The following CHAF1A variants were observed in gnomAD, a reference collection of about 807,000 sequenced individuals.
CHAF1A encodes CAF-1 subunit A.
Under a neutral mutation model 93.2 loss-of-function variants are expected in CHAF1A, and 5 were observed. The ratio of observed to expected loss-of-function variants is 0.05; its 90% CI spans 0.03 to 0.11. The LOEUF is 0.11. CHAF1A is among the 10% of genes least tolerant of loss of function. The pLI, the probability that CHAF1A is intolerant of heterozygous loss-of-function variation, is 1.00. For synonymous variants in CHAF1A, 504 were observed against 510.3 expected (o/e 0.99, Z 0.17); for missense variants, 1,102 against 1,259.9 (o/e 0.87, Z 1.90).
downstream of CHAF1A, chr19:4,448,598 G>A (rs1173468805): frequency 3.3e-6 from 2 of 608,064 alleles, no homozygotes; most frequent in South Asian, 3.9e-5. Context: ...CCACGCCCCA[G>A]GGCAGAGGCG....
rs868752558 is a variant in CHAF1A at position 4,418,046 on chromosome 19, T to C, written c.987T>C (p.Ser329=). ...TAACTAAGAAATTCGTCAAAGGCTC[T>C]ACAGAGAAGAACAAGCTCAGACTGC... The part of the protein sequence containing the change: ...RRITKKFVKG[S]TEKNKLRLQR... Residue 329 remains serine, a synonymous_variant, in exon 4 of 15, where the codon TCT becomes TCC. Coordinates refer to ENST00000301280, the MANE Select transcript of CHAF1A (RefSeq NM_005483.3). 5 of 1,607,218 alleles carry C rather than the reference T, an allele frequency of 3.1e-6. No individual in the cohort carries two copies. The African/African-American group carries it at 4.0e-5, about 13-fold the overall frequency.
chr19:4,448,820 A>C (rs1974596613), downstream of CHAF1A: 10 of 214,584 alleles, frequency 4.7e-5, no homozygotes, highest in South Asian at 6.7e-4. Flanking sequence ...TCGCAGCCCC[A>C]TGATGGACGT....
At chr19:4,444,013 G>A (rs754896493), downstream of CHAF1A, among the ~76,000 whole-genome samples, 6 of 152,188 alleles carry the variant, frequency 3.9e-5, no homozygotes, top group Non-Finnish European at 8.8e-5. Flanking sequence ...CAGGGCGCCC[G>A]GGCCAGGCCT....
At position 4,441,532 on chromosome 19, in the gene CHAF1A, C is replaced by T. The variant is rs368813934; in HGVS notation, c.2674-713C>T. On this transcript the variant is annotated intron_variant, in intron 13 of 14. Transcript: ENST00000301280. ...CTGAAGAACGAGAATCGCTTGAACC[C>T]GGGTGGCGGAGGTTGCAGTGAGCTG... 3.9e-5 allele frequency among the ~76,000 whole-genome samples: 6 copies of T among 151,920 alleles called. No individual in the cohort carries two copies. The East Asian group carries it at 9.7e-4, about 24-fold the overall frequency.
intron 14 of CHAF1A, 30 bp downstream of exon 14, chr19:4,442,371 C>T (rs950957411): frequency 3.3e-6 from 5 of 1,530,504 alleles, no homozygotes; most frequent in Non-Finnish European, 4.5e-6. Flanking sequence ...GCAGAACGCA[C>T]TGGTGAGGTG....
chr19:4,434,095 T>A (rs1230024007), intron 13 of CHAF1A, among the ~76,000 whole-genome samples: 1 of 151,804 alleles, frequency 6.6e-6, no homozygotes, highest in Admixed American at 6.6e-5. Flanking sequence ...GCCTGTAGTC[T>A]CAGCACTTTG....
intron 7 of CHAF1A, among the ~76,000 whole-genome samples, chr19:4,424,986 C>T (rs1337537427): frequency 6.6e-6 from 1 of 152,126 alleles, no homozygotes; most frequent in Non-Finnish European, 1.5e-5. Flanking sequence ...GTTGCCCAGG[C>T]TGGTCTCGAC....
intron 14 of CHAF1A, among the ~76,000 whole-genome samples, 194 bp downstream of exon 14, chr19:4,442,535 T>A (rs1023624506): frequency 6.6e-6 from 1 of 152,180 alleles, no homozygotes; most frequent in Non-Finnish European, 1.5e-5. Context: ...CCAGGCATCG[T>A]TCTGGCCGCA....
downstream of CHAF1A, chr19:4,445,789 C>CA: frequency 8.2e-7 from 1 of 1,220,976 alleles, no homozygotes; most frequent in Non-Finnish European, 1.1e-6. Context: ...TCCGGGACTC[C>CA]AGGACCTAAG....
intron 2 of CHAF1A, among the ~76,000 whole-genome samples, chr19:4,406,939 G>T (rs1368850949): frequency 6.6e-6 from 1 of 151,910 alleles, no homozygotes; most frequent in Non-Finnish European, 1.5e-5. Flanking sequence ...AAAAAAGGGG[G>T]ACGCCAGATG....
At chr19:4,445,206 G>T (rs888797561), downstream of CHAF1A, 8 of 389,470 alleles carry the variant, frequency 2.1e-5, no homozygotes, top group African/African-American at 4.2e-5. Context: ...GATGCCACGT[G>T]TGTCTGTCCG....
chr19:4,431,942 A>G lies in CHAF1A; in HGVS notation c.1948-10A>G, dbSNP rs779433241. 1 of 1,589,890 alleles carries G rather than the reference A, an allele frequency of 6.3e-7. No individual in the cohort carries two copies. Among genetic ancestry groups the G allele is most frequent in the Non-Finnish European group, 8.6e-7 (1 of 1,163,350 alleles). ...AACCCCAAATAAACTTCTGCTTTCT[A>G]AACCACAAGGAGTGTGCCGACCCTG... On this transcript the variant is annotated splice_polypyrimidine_tract_variant and intron_variant, in intron 11 of 14. Transcript: ENST00000301280.
intron 7 of CHAF1A, among the ~76,000 whole-genome samples, chr19:4,426,389 C>G (rs568390387): frequency 6.6e-6 from 1 of 151,854 alleles, no homozygotes. Flanking sequence ...AGGATGGTCT[C>G]GATCTCCTGA....
At chr19:4,446,971 T>C, downstream of CHAF1A, 1 of 1,569,556 alleles carries the variant, frequency 6.4e-7, no homozygotes, top group Non-Finnish European at 8.7e-7. Context: ...CTCCATGGCC[T>C]GGCCACACCC....
chr19:4,434,557 C>T (rs947333990), intron 13 of CHAF1A, among the ~76,000 whole-genome samples: 2 of 152,162 alleles, frequency 1.3e-5, no homozygotes, highest in Non-Finnish European at 1.5e-5. Flanking sequence ...CTCCGTGGAT[C>T]AGCCTTTTCC....
At chr19:4,447,427 T>C, downstream of CHAF1A, 1 of 1,053,936 alleles carries the variant, frequency 9.5e-7, no homozygotes, top group Admixed American at 1.8e-5. Context: ...CTTCACTGCT[T>C]GTGGCTCAAC....
intron 13 of CHAF1A, among the ~76,000 whole-genome samples, chr19:4,435,541 C>T (rs1424191329): frequency 1.3e-5 from 2 of 152,054 alleles, no homozygotes; most frequent in Non-Finnish European, 2.9e-5. Flanking sequence ...CCACACCCAG[C>T]TAATTTTCTG....
chr19:4,447,895 G>A, downstream of CHAF1A: 5 of 525,058 alleles, frequency 9.5e-6, no homozygotes, highest in East Asian at 3.3e-5. Flanking sequence ...CCACAGCGGT[G>A]GGGAAGCCAC....
intron 14 of CHAF1A, among the ~76,000 whole-genome samples, chr19:4,442,588 G>A (rs1319742796): frequency 9.2e-5 from 14 of 152,228 alleles, no homozygotes; most frequent in African/African-American, 3.4e-4. Context: ...TGGTTGTGAC[G>A]TTAGATGGGG....
Sources: allele counts gnomAD v4.1 joint callset (sites outside exome capture counted in the v4.1 genomes callset), GRCh38; gene constraint gnomAD v4.1.1; transcripts MANE v1.5; gene names NCBI Gene and HGNC (gene_info 2026-07-23, HGNC 2026-07-21).